The following GSE1 variants were observed in gnomAD, a reference collection of about 807,000 sequenced individuals.
GSE1 encodes genetic suppressor element 1.
Under a neutral mutation model 112.6 loss-of-function variants are expected in GSE1, and 32 were observed. The observed-to-expected ratio is 0.28, with a 90% CI of 0.21 to 0.38. GSE1 has a LOEUF of 0.38. Ranked by LOEUF, GSE1 falls within the 10% of genes least tolerant of loss-of-function variation. The pLI is 1.00. For synonymous variants in GSE1, 1,115 were observed against 735.6 expected, an observed-to-expected ratio of 1.52 and a Z score of -8.35; for missense variants, 2,348 against 1,699.2, an observed-to-expected ratio of 1.38 and a Z score of -6.71.
chr16:85,487,226 C>T lies in GSE1; in HGVS notation c.2464+129583C>T, dbSNP rs571269727. 4.6e-5 allele frequency among the ~76,000 whole-genome samples: 7 copies of T among 152,300 alleles called. No individual in the cohort carries two copies. The East Asian group carries it at 1.3e-3, about 29-fold the overall frequency. ...TCACTGGGTGTCACCTCCTCACCCC[C>T]CCAGGAAAAATTCTGCATTTACAAA... On this transcript the variant is annotated intron_variant, in intron 2 of 2. Transcript: ENST00000637419.
intron 1 of GSE1, among the ~76,000 whole-genome samples, chr16:85,569,097 A>T (rs1415926152): frequency 4.6e-5 from 7 of 152,246 alleles, no homozygotes; most frequent in African/African-American, 1.7e-4. Context: ...GTAAGTTTGC[A>T]TTTTTTCCAA....
intron 1 of GSE1, among the ~76,000 whole-genome samples, chr16:85,350,907 G>A (rs376535567): frequency 4.9e-4 from 74 of 152,320 alleles, no homozygotes; most frequent in South Asian, 4.8e-3. Flanking sequence ...AGCCTCCCGA[G>A]TAGCTGGGAT....
In GSE1 at chr16:85,668,990, G is replaced by T. The variant is rs1598716235; in HGVS notation, c.3415+566G>T. Among the ~76,000 whole-genome samples the T allele has an allele frequency of 2.6e-5, 4 of 152,220 alleles. No individual in the cohort carries two copies. In the East Asian group the frequency reaches 7.7e-4, roughly 29 times the overall value. ...ACCCAGGATGTTTTGATCCCACCTG[G>T]GAATGCACACACCAACCCTCCTGGG... is the stretch of plus-strand genomic sequence containing the variant. On this transcript the variant is annotated intron_variant, in intron 14 of 15. Coordinates refer to ENST00000253458, the MANE Select transcript of GSE1 (RefSeq NM_014615.5).
intron 1 of GSE1, among the ~76,000 whole-genome samples, chr16:85,563,162 ATCCTCCTCC>A (rs199727526): frequency 6.7e-6 from 1 of 148,618 alleles, no homozygotes; most frequent in African/African-American, 2.5e-5. Context: ...TCCACATGGT[ATCCTCCTCC>A]TCCTCCTCCT....
intron 1 of GSE1, among the ~76,000 whole-genome samples, chr16:85,182,151 C>T (rs897061273): frequency 6.6e-6 from 1 of 152,152 alleles, no homozygotes; most frequent in African/African-American, 2.4e-5. Context: ...GGGAAGCCCT[C>T]CCCCACCCTC....
At chr16:85,474,009 C>T (rs982211989) in intron 2 of GSE1, among the ~76,000 whole-genome samples, 1 of 152,154 alleles carries the variant, frequency 6.6e-6, no homozygotes, top group African/African-American at 2.4e-5. Flanking sequence ...GAAACCAGCA[C>T]AGGCGGGCAG....
intron 1 of GSE1, among the ~76,000 whole-genome samples, chr16:85,267,020 G>A (rs1908316939): frequency 6.6e-6 from 1 of 152,242 alleles, no homozygotes; most frequent in African/African-American, 2.4e-5. Flanking sequence ...GAGACGGCTG[G>A]CTCCTTCCTG....
At chr16:85,328,462 T>TC (rs1040958155) in intron 1 of GSE1, among the ~76,000 whole-genome samples, 2 of 151,914 alleles carry the variant, frequency 1.3e-5, no homozygotes, top group African/African-American at 2.4e-5. Flanking sequence ...GCGGAGGCCT[T>TC]CCCCCGCCCG....
chr16:85,264,101 C>T (rs892949057), intron 1 of GSE1, among the ~76,000 whole-genome samples: 11 of 152,078 alleles, frequency 7.2e-5, no homozygotes, highest in East Asian at 1.9e-4. Flanking sequence ...AGTGGTAGGG[C>T]GCCTTGCAAG....
intron 1 of GSE1, among the ~76,000 whole-genome samples, chr16:85,312,755 AG>A (rs538680038): frequency 1.2e-4 from 18 of 151,184 alleles, no homozygotes; most frequent in Non-Finnish European, 2.2e-4. Flanking sequence ...GAGGAGAAGG[AG>A]GGGGAGGAAG....
rs2053456522 is a variant in GSE1 at position 85,672,846 on chromosome 16, A to G, written c.*307A>G. On this transcript the variant is annotated 3_prime_UTR_variant, in exon 16 of 16. Transcript: ENST00000253458. ...ATCTGAACATGAAGGCTCCATTAGCAACACTAAAACTTGATCATTAACAGC... is the reference window on the plus strand; with the variant it reads ...ATCTGAACATGAAGGCTCCATTAGCGACACTAAAACTTGATCATTAACAGC... The G allele has an allele frequency of 9.8e-6, 2 of 203,724 alleles. No homozygotes were observed. The highest frequency in any genetic ancestry group is 2.4e-4 in the South Asian group (2 of 8,194). The allele number at this position is 203,724 out of a possible 1,614,324, so 12.6% of individuals were successfully genotyped here.
At chr16:85,260,166 G>A (rs1315331797) in intron 1 of GSE1, among the ~76,000 whole-genome samples, 1 of 152,174 alleles carries the variant, frequency 6.6e-6, no homozygotes, top group African/African-American at 2.4e-5. Flanking sequence ...CCAGACTGGG[G>A]CTCACGGCAG....
At chr16:85,639,345 C>T (rs1033439037) in intron 2 of GSE1, among the ~76,000 whole-genome samples, 2 of 152,278 alleles carry the variant, frequency 1.3e-5, no homozygotes, top group East Asian at 1.9e-4. Flanking sequence ...CCTGCCTCTC[C>T]TACCAGGACC....
At chr16:85,334,916 C>G (rs895189058) in intron 1 of GSE1, among the ~76,000 whole-genome samples, 2 of 152,200 alleles carry the variant, frequency 1.3e-5, no homozygotes, top group Non-Finnish European at 2.9e-5. Context: ...CAACTTTTAT[C>G]ACCAGGGAGA....
chr16:85,313,900 C>T (rs1021354474), intron 1 of GSE1, among the ~76,000 whole-genome samples: 1 of 150,428 alleles, frequency 6.6e-6, no homozygotes, highest in Non-Finnish European at 1.5e-5. Flanking sequence ...TGATGTGCTA[C>T]AGCACTAGTC....
At chr16:85,514,730 C>T (rs539077617) in intron 2 of GSE1, among the ~76,000 whole-genome samples, 6 of 152,268 alleles carry the variant, frequency 3.9e-5, no homozygotes, top group Admixed American at 6.5e-5. Context: ...GTCCAGGCCC[C>T]GAGTGCCTGC....
intron 1 of GSE1, among the ~76,000 whole-genome samples, chr16:85,211,996 G>A (rs1359904781): frequency 3.3e-5 from 5 of 152,246 alleles, no homozygotes. Flanking sequence ...CTGACTGGGG[G>A]AGGACTCCTG....
At chr16:85,210,567 C>T (rs1377922268) in intron 1 of GSE1, among the ~76,000 whole-genome samples, 3 of 151,940 alleles carry the variant, frequency 2.0e-5, no homozygotes. Flanking sequence ...CCAGCCTGGG[C>T]AACAGAGTGA....
chr16:85,477,708 C>T (rs1430895796), intron 2 of GSE1, among the ~76,000 whole-genome samples: 1 of 151,732 alleles, frequency 6.6e-6, no homozygotes, highest in Non-Finnish European at 1.5e-5. Flanking sequence ...TTAGAGGCAC[C>T]CGCCACCATG....
Sources: gnomAD v4.1 joint callset for allele counts (sites outside exome capture counted in the v4.1 genomes callset) on GRCh38, gnomAD v4.1.1 for gene constraint, MANE v1.5 for transcripts, NCBI Gene and HGNC (gene_info 2026-07-23, HGNC 2026-07-21) for gene names.